Variants in SPEF2 observed in about 807,000 individuals in gnomAD.
SPEF2 encodes sperm flagella and cilia-associated protein 2.
Under a neutral mutation model 224.6 loss-of-function variants are expected in SPEF2, and 187 were observed. The observed-to-expected ratio is 0.83, with a 90% CI of 0.74 to 0.94. The LOEUF (loss-of-function observed/expected upper bound fraction) is 0.94. SPEF2 is among the 40% of genes least tolerant of loss of function. The probability of loss-of-function intolerance (pLI) is 0.00; values close to 1 mark genes in which losing one functional copy is unlikely to be tolerated. For missense variants in SPEF2, 2,170 were observed against 2,135.6 expected (o/e 1.02, Z -0.32); for synonymous variants, 715 against 707.3 (o/e 1.01, Z -0.17).
chr5:35,703,141 G>A (rs960790464), intron 16 of SPEF2, among the ~76,000 whole-genome samples: 2 of 104,230 alleles, frequency 1.9e-5, no homozygotes, highest in Admixed American at 8.7e-5. Context: ...TTTAGAAAAG[G>A]GTCTCTCTAT....
At chr5:35,765,876 C>A (rs536224069) in intron 26 of SPEF2, among the ~76,000 whole-genome samples, 57 of 152,084 alleles carry the variant, frequency 3.7e-4, no homozygotes, top group African/African-American at 1.3e-3. Flanking sequence ...AATGCTTTTT[C>A]TGCCTGTATT....
intron 17 of SPEF2, 115 bp from the exon 18 acceptor site, chr5:35,705,536 A>T (rs1293542159): frequency 5.9e-6 from 4 of 677,986 alleles, no homozygotes; most frequent in Non-Finnish European, 7.1e-6. Flanking sequence ...TCTTTTTCAG[A>T]TACAATTATA....
intron 20 of SPEF2, among the ~76,000 whole-genome samples, chr5:35,719,428 G>C (rs1426896956): frequency 6.6e-6 from 1 of 152,158 alleles, no homozygotes; most frequent in African/African-American, 2.4e-5. Context: ...AGTGCAGCAA[G>C]AATAATTATT....
At chr5:35,759,842 T>A in intron 25 of SPEF2, 123 bp downstream of exon 25, 3 of 986,134 alleles carry the variant, frequency 3.0e-6, no homozygotes, top group Non-Finnish European at 4.2e-6. Flanking sequence ...AAAAAAGCTC[T>A]AATAACCAAA....
At chr5:35,751,249 TTG>T (rs1749598136) in intron 23 of SPEF2, among the ~76,000 whole-genome samples, 1 of 146,588 alleles carries the variant, frequency 6.8e-6, no homozygotes, top group Non-Finnish European at 1.5e-5. Flanking sequence ...TCTCACTGAT[TTG>T]TGAGAGCTAA....
At chr5:35,762,447 T>G (rs1182939883) in intron 25 of SPEF2, among the ~76,000 whole-genome samples, 3 of 152,198 alleles carry the variant, frequency 2.0e-5, no homozygotes, top group African/African-American at 7.2e-5. Context: ...ATTTTTAAAA[T>G]GTAATTTAAT....
chr5:35,700,695 G>T lies in SPEF2; in HGVS notation c.2341G>T (p.Val781Phe). 2.5e-6 allele frequency: 4 copies of T among 1,613,930 alleles called. 1 individual carries two copies. In the South Asian group the frequency reaches 4.4e-5, roughly 18 times the overall value. Residue 781 changes from valine to phenylalanine, a missense_variant, in exon 16 of 37, where the codon GTC (valine) becomes TTC (phenylalanine). Transcript: ENST00000356031. The part of the protein sequence containing the change: ...IPLPSPAFDF[V>F]ILLDVSDTSS... The stretch of plus-strand genomic sequence containing the variant: ...TCTTCCCTCTCCTGCATTTGATTTT[G>T]TCATATTATTAGATGTTTCAGATAC...
At chr5:35,730,326 C>T (rs1466351672) in intron 21 of SPEF2, among the ~76,000 whole-genome samples, 5 of 152,216 alleles carry the variant, frequency 3.3e-5, no homozygotes, top group Admixed American at 2.0e-4. Context: ...TGTAGAGTCA[C>T]AAGAGCAGCC....
At chr5:35,711,355 AT>A (rs11357290) in intron 19 of SPEF2, among the ~76,000 whole-genome samples, 114,230 of 151,934 alleles carry the variant, frequency 0.75, 43,298 homozygotes, top group Middle Eastern at 0.83. Flanking sequence ...AAATTTTGTG[AT>A]TTTTGTTAAA....
At chr5:35,791,951 T>C (rs1756017702) in intron 30 of SPEF2, among the ~76,000 whole-genome samples, 1 of 152,154 alleles carries the variant, frequency 6.6e-6, no homozygotes, top group Admixed American at 6.5e-5. Context: ...TTTTATCTAA[T>C]ATTTGCCAAA....
intron 36 of SPEF2, among the ~76,000 whole-genome samples, chr5:35,813,490 T>C (rs368444177): frequency 6.6e-6 from 1 of 152,038 alleles, no homozygotes; most frequent in East Asian, 1.9e-4. Context: ...AAACTCTATT[T>C]CTAAAAAAAA....
intron 30 of SPEF2, chr5:35,791,206 A>T (rs960634647): frequency 6.6e-6 from 1 of 152,168 alleles, no homozygotes; most frequent in Non-Finnish European, 1.5e-5. Context: ...TGTCTATAAA[A>T]CTGGATACTC....
In SPEF2 at chr5:35,645,987, A is replaced by G. The variant is rs1009926552; in HGVS notation, c.586-680A>G. Reference sequence around the variant, plus strand: ...AATATAATGTATTAGTAGTAAAGTCATGATTAGTTTCACATATTACCTCTT... The same window carrying G: ...AATATAATGTATTAGTAGTAAAGTCGTGATTAGTTTCACATATTACCTCTT... On this transcript the variant is annotated intron_variant, in intron 4 of 36. Coordinates refer to ENST00000356031, the MANE Select transcript of SPEF2 (RefSeq NM_024867.4). Among the ~76,000 whole-genome samples, 6 of 152,316 alleles carry G rather than the reference A, an allele frequency of 3.9e-5. 1 individual carries two copies.
chr5:35,631,853 A>G (rs1158048802), intron 2 of SPEF2, among the ~76,000 whole-genome samples: 2 of 152,232 alleles, frequency 1.3e-5, no homozygotes, highest in Non-Finnish European at 2.9e-5. Flanking sequence ...ACAAGAATGA[A>G]GTAATATGCA....
At position 35,793,121 on chromosome 5, in the gene SPEF2, A is replaced by T. The variant is rs754747805; in HGVS notation, c.4555-38A>T. The stretch of plus-strand genomic sequence containing the variant: ...GCAAGTAGAGCATCAAGATAGATTC[A>T]TGTAGATATTCCAAAGATATTTCCT... On this transcript the variant is annotated intron_variant, in intron 31 of 36. Coordinates refer to ENST00000356031, the MANE Select transcript of SPEF2 (RefSeq NM_024867.4). The T allele has an allele frequency of 1.1e-5, 18 of 1,573,640 alleles. No homozygotes were observed. The Middle Eastern group carries it at 1.5e-3, about 128-fold the overall frequency.
At chr5:35,669,968 G>A (rs557124896) in intron 9 of SPEF2, 91 bp from the exon 10 acceptor site, 266 of 995,972 alleles carry the variant, frequency 2.7e-4, no homozygotes, top group Non-Finnish European at 3.7e-4. Flanking sequence ...ATGAAAGTGA[G>A]CTAATTACAT....
chr5:35,746,894 G>A (rs1009541026), intron 23 of SPEF2, among the ~76,000 whole-genome samples: 1 of 152,122 alleles, frequency 6.6e-6, no homozygotes, highest in Non-Finnish European at 1.5e-5. Context: ...TTAAGACAAA[G>A]GAAAGAATTT....
intron 36 of SPEF2, among the ~76,000 whole-genome samples, chr5:35,810,358 C>T (rs374697095): frequency 1.3e-5 from 2 of 152,032 alleles, no homozygotes; most frequent in South Asian, 2.1e-4. Context: ...ATGACAGGTG[C>T]CTGCCACCAC....
chr5:35,808,865 A>C (rs1758364906), intron 36 of SPEF2, among the ~76,000 whole-genome samples: 1 of 145,724 alleles, frequency 6.9e-6, no homozygotes, highest in South Asian at 2.2e-4. Context: ...TATATATGTA[A>C]AAAAATTGGG....
Sources: gnomAD v4.1 joint callset for allele counts (sites outside exome capture counted in the v4.1 genomes callset) on GRCh38, gnomAD v4.1.1 for gene constraint, MANE v1.5 for transcripts, NCBI Gene and HGNC (gene_info 2026-07-23, HGNC 2026-07-21) for gene names.